The following ERBIN variants were observed in gnomAD, a reference collection of about 807,000 sequenced individuals.
ERBIN encodes the protein erbb2 interacting protein, also known as densin-180-like protein.
ERBIN carries 60 observed loss-of-function variants against 158.4 expected under a neutral mutation model. That is an observed-to-expected ratio of 0.38 (90% CI 0.31 to 0.47). ERBIN has a LOEUF of 0.47. ERBIN is among the 20% of genes least tolerant of loss of function. The pLI is 0.99. For missense variants in ERBIN, 1,610 were observed against 1,648.0 expected, an observed-to-expected ratio of 0.98 and a Z score of 0.40; for synonymous variants, 594 against 557.2, an observed-to-expected ratio of 1.07 and a Z score of -0.93.
chr5:66,057,707 C>T (rs1030871619), intron 21 of ERBIN, among the ~76,000 whole-genome samples: 4 of 129,986 alleles, frequency 3.1e-5, no homozygotes, highest in Non-Finnish European at 6.5e-5. Flanking sequence ...CCCCCTCCCC[C>T]GACCCCACAA....
Position 65,956,991 on chromosome 5 carries a change from A to G in ERBIN, c.-58+30185A>G, listed in dbSNP as rs114664608. Among the ~76,000 whole-genome samples, 989 of 152,302 alleles carry G rather than the reference A, an allele frequency of 6.5e-3. 6 individuals are homozygous for G. The highest frequency in any genetic ancestry group is 9.9e-3 in the Non-Finnish European group (671 of 68,032). On this transcript the variant is annotated intron_variant, in intron 1 of 25. Transcript: ENST00000284037. Reference sequence around the variant, plus strand: ...ACCATGCTGCTATTTGTGTATGGTAATAATATTACAAGCAGCTTAGAATGT... The same window carrying G: ...ACCATGCTGCTATTTGTGTATGGTAGTAATATTACAAGCAGCTTAGAATGT...
At position 66,080,113 on chromosome 5, in the gene ERBIN, T is replaced by C. The variant is rs1305949553; in HGVS notation, c.*1583T>C. ...CAATTTGGGAATTTTTAATCTGTTA[T>C]GCTTTGTTTATCAACCTTGATTTTA... On this transcript the variant is annotated 3_prime_UTR_variant, in exon 26 of 26. Transcript: ENST00000284037. 3 of 152,448 alleles carry C rather than the reference T, an allele frequency of 2.0e-5. No individual in the cohort carries two copies. The highest frequency in any genetic ancestry group is 4.1e-4 in the South Asian group (2 of 4,832). The allele number at this position is 152,448 out of a possible 1,614,324, so 9.4% of individuals were successfully genotyped here. A position where few individuals can be genotyped will look rare whatever the true frequency, so the allele number is the denominator to read the frequency against.
chr5:65,994,347 A>G (rs780594790), intron 3 of ERBIN, among the ~76,000 whole-genome samples: 4 of 152,186 alleles, frequency 2.6e-5, no homozygotes, highest in East Asian at 1.9e-4. Flanking sequence ...TAACTGAATC[A>G]TTTATGTCTT....
chr5:66,081,306 T>C lies in ERBIN; in HGVS notation c.*2776T>C, dbSNP rs1010539244. On this transcript the variant is annotated 3_prime_UTR_variant, in exon 26 of 26. Coordinates refer to ENST00000284037, the MANE Select transcript of ERBIN (RefSeq NM_001253697.2). ...ATGAAATTCTAAAATTCCCTACATATTTATTTTGTAAATATTCTTCTGACC... is the reference window on the plus strand; with the variant it reads ...ATGAAATTCTAAAATTCCCTACATACTTATTTTGTAAATATTCTTCTGACC... 2.0e-5 allele frequency: 3 copies of C among 152,052 alleles called. No homozygotes were observed. The highest frequency in any genetic ancestry group is 4.8e-5 in the African/African-American group (2 of 41,454). The allele number at this position is 152,052 out of a possible 1,614,324, so 9.4% of individuals were successfully genotyped here.
intron 25 of ERBIN, among the ~76,000 whole-genome samples, chr5:66,077,942 C>CT (rs1561465354): frequency 6.6e-6 from 1 of 152,108 alleles, no homozygotes; most frequent in Non-Finnish European, 1.5e-5. Flanking sequence ...GTGAAAGAAT[C>CT]TTTTTTGAGC....
chr5:65,940,232 G>A (rs1374493370), intron 1 of ERBIN, among the ~76,000 whole-genome samples: 3 of 150,928 alleles, frequency 2.0e-5, no homozygotes, highest in East Asian at 2.0e-4. Flanking sequence ...GCCTCTACCC[G>A]GCCGTGACCC....
chr5:65,958,057 C>G (rs1392288262), intron 1 of ERBIN, among the ~76,000 whole-genome samples: 3 of 149,184 alleles, frequency 2.0e-5, no homozygotes, highest in South Asian at 4.3e-4. Context: ...ACATCTCAGA[C>G]GATGGGCGGC....
chr5:65,971,209 G>A (rs1749206408), intron 1 of ERBIN, among the ~76,000 whole-genome samples: 1 of 150,546 alleles, frequency 6.6e-6, no homozygotes, highest in Non-Finnish European at 1.5e-5. Context: ...AGAAGTGACT[G>A]TGACAATTGC....
rs1198926231 is a variant in ERBIN, at chr5:66,043,152, C to G, written c.1382C>G (p.Ala461Gly). Residue 461 changes from alanine to glycine, a missense_variant, in exon 16 of 26, where the codon GCA becomes GGA. By Grantham distance (60) the Ala-to-Gly change is moderately conservative. Transcript: ENST00000284037. ...EEQRKQRAQVAFECDEDKDER... is the reference protein window; with the variant it reads ...EEQRKQRAQVGFECDEDKDER... ...CAGAGGAAACAGCGGGCTCAAGTTG[C>G]ATTTGAATGTGATGAAGACAAAGAT... is the stretch of plus-strand genomic sequence containing the variant. The G allele has an allele frequency of 6.2e-7, 1 of 1,613,212 alleles. No homozygotes were observed. Among genetic ancestry groups the G allele is most frequent in the African/African-American group, 1.3e-5 (1 of 75,020 alleles).
At chr5:65,995,878 T>C (rs1752379768) in intron 4 of ERBIN, among the ~76,000 whole-genome samples, 1 of 152,236 alleles carries the variant, frequency 6.6e-6, no homozygotes, top group South Asian at 2.1e-4. Flanking sequence ...TTGAACATTT[T>C]TCATATACCT....
At chr5:65,949,336 A>G (rs1746217927) in intron 1 of ERBIN, among the ~76,000 whole-genome samples, 1 of 152,200 alleles carries the variant, frequency 6.6e-6, no homozygotes, top group Admixed American at 6.5e-5. Flanking sequence ...TGTGCTATAA[A>G]AAAAATACTG....
chr5:65,990,353 G>A (rs1406516767), intron 2 of ERBIN, among the ~76,000 whole-genome samples: 1 of 152,190 alleles, frequency 6.6e-6, no homozygotes, highest in Non-Finnish European at 1.5e-5. Flanking sequence ...AAAGAACTTA[G>A]CACAGTGCCT....
Position 66,021,319 on chromosome 5 carries a change from C to T in ERBIN, c.534-3C>T. ...TAATTTTTCATTACTCCATTATGAACAGAACTATGAATAGACTGACCCAGC... is the reference window on the plus strand; with the variant it reads ...TAATTTTTCATTACTCCATTATGAATAGAACTATGAATAGACTGACCCAGC... On this transcript the variant is annotated splice_polypyrimidine_tract_variant and splice_region_variant and intron_variant, in intron 7 of 25. Coordinates refer to ENST00000284037, the MANE Select transcript of ERBIN (RefSeq NM_001253697.2). The T allele has an allele frequency of 6.3e-7, 1 of 1,579,702 alleles. No individual in the cohort carries two copies. Among genetic ancestry groups the T allele is most frequent in the Non-Finnish European group, 8.6e-7 (1 of 1,156,336 alleles).
intron 14 of ERBIN, among the ~76,000 whole-genome samples, chr5:66,036,056 T>C (rs1021143172): frequency 6.6e-6 from 1 of 152,080 alleles, no homozygotes; most frequent in African/African-American, 2.4e-5. Context: ...GCCACTGCAC[T>C]CCAGCCTCCA....
chr5:66,078,595 T>G lies in ERBIN; in HGVS notation c.*65T>G. 1.1e-6 allele frequency: 1 copy of G among 938,562 alleles called. No individual in the cohort carries two copies. The highest frequency in any genetic ancestry group is 1.7e-6 in the Non-Finnish European group (1 of 592,962). 58.1% of individuals were successfully genotyped at this position (938,562 alleles called of 1,614,324 possible). A position where few individuals can be genotyped will look rare whatever the true frequency, so the allele number is the denominator to read the frequency against. On this transcript the variant is annotated 3_prime_UTR_variant, in exon 26 of 26. Coordinates refer to ENST00000284037, the MANE Select transcript of ERBIN (RefSeq NM_001253697.2). Reference sequence around the variant, plus strand: ...ATTGGAAGATACTTACAGGGGAAATTAATATTTTGACTATTTTTATATATA... The same window carrying G: ...ATTGGAAGATACTTACAGGGGAAATGAATATTTTGACTATTTTTATATATA...
intron 1 of ERBIN, among the ~76,000 whole-genome samples, chr5:65,976,271 T>G (rs530772144): frequency 1.4e-4 from 22 of 152,272 alleles, no homozygotes; most frequent in Non-Finnish European, 2.6e-4. Context: ...GCCAGGAGTT[T>G]GAGACCATCT....
intron 4 of ERBIN, among the ~76,000 whole-genome samples, chr5:66,006,845 A>T (rs1753657865): frequency 6.6e-6 from 1 of 152,148 alleles, no homozygotes; most frequent in African/African-American, 2.4e-5. Flanking sequence ...ATGAGATACC[A>T]TCTCACACCA....
chr5:65,961,337 T>C (rs1747885075), intron 1 of ERBIN: 2 of 152,212 alleles, frequency 1.3e-5, no homozygotes, highest in Admixed American at 6.5e-5. Flanking sequence ...TGAACTGTGA[T>C]GTGAGGCTGA....
In ERBIN at chr5:66,044,175, T is replaced by C. The variant is rs1162996476; in HGVS notation, c.1467T>C (p.Asp489=). Residue 489 remains aspartate, a synonymous_variant, in exon 17 of 26, where the codon GAT becomes GAC. Transcript: ENST00000284037. ...AAAGATATCCAACACCATACCCAGA[T>C]GAGCTTAAGAATATGGTCAAAACTG... The part of the protein sequence containing the change: ...NLKRYPTPYP[D]ELKNMVKTVQ... 6.3e-7 allele frequency: 1 copy of C among 1,591,860 alleles called. No homozygotes were observed. Among genetic ancestry groups the C allele is most frequent in the Non-Finnish European group, 8.5e-7 (1 of 1,172,920 alleles).
Sources: allele counts gnomAD v4.1 joint callset (sites outside exome capture counted in the v4.1 genomes callset), GRCh38; gene constraint gnomAD v4.1.1; transcripts MANE v1.5; gene names NCBI Gene and HGNC (gene_info 2026-07-23, HGNC 2026-07-21).